The following C8orf34 variants were observed in gnomAD, a reference collection of about 807,000 sequenced individuals.
C8orf34 encodes uncharacterized protein C8orf34.
In C8orf34, 65 loss-of-function variants were observed where a neutral mutation model predicts 68.3. That is an observed-to-expected ratio of 0.95 (90% CI 0.78 to 1.17). The LOEUF is 1.17. C8orf34 is among the 50% of genes most tolerant of loss of function. The pLI is 0.00. For synonymous variants in C8orf34, 244 were observed against 241.2 expected (o/e 1.01, Z -0.11); for missense variants, 664 against 655.4 (o/e 1.01, Z -0.14).
chr8:68,359,179 G>T (rs1461024064), intron 1 of C8orf34, among the ~76,000 whole-genome samples: 1 of 152,220 alleles, frequency 6.6e-6, no homozygotes, highest in East Asian at 1.9e-4. Flanking sequence ...GCTGTGTAAA[G>T]TATGCAAAAA....
chr8:68,638,271 C>T (rs1818904827), intron 7 of C8orf34, among the ~76,000 whole-genome samples: 1 of 151,346 alleles, frequency 6.6e-6, no homozygotes, highest in African/African-American at 2.4e-5. Context: ...TCTGGTGCCA[C>T]CAAAAATGCC....
chr8:68,433,292 C>G (rs976473940), intron 1 of C8orf34, among the ~76,000 whole-genome samples: 2 of 152,098 alleles, frequency 1.3e-5, no homozygotes, highest in Non-Finnish European at 2.9e-5. Flanking sequence ...CATTCTACAG[C>G]TGATAACATG....
At chr8:68,469,758 A>G (rs1812299798) in intron 4 of C8orf34, among the ~76,000 whole-genome samples, 2 of 151,970 alleles carry the variant, frequency 1.3e-5, no homozygotes, top group African/African-American at 4.8e-5. Flanking sequence ...AACACTAGCA[A>G]ATTCTAGTGG....
chr8:68,671,244 G>T (rs1216480884), intron 8 of C8orf34, among the ~76,000 whole-genome samples: 1 of 151,998 alleles, frequency 6.6e-6, no homozygotes, highest in African/African-American at 2.4e-5. Flanking sequence ...ATTAATAATT[G>T]CTTTACAAAA....
intron 9 of C8orf34, 114 bp from the exon 10 acceptor site, chr8:68,721,247 A>G: frequency 3.0e-6 from 2 of 670,922 alleles, no homozygotes; most frequent in South Asian, 2.0e-5. Context: ...AAACACTATG[A>G]TTTTTTCAAC....
chr8:68,492,835 A>T (rs1259954142), intron 5 of C8orf34, among the ~76,000 whole-genome samples: 2 of 151,798 alleles, frequency 1.3e-5, no homozygotes, highest in Non-Finnish European at 2.9e-5. Context: ...CAAATGACAG[A>T]GTTTTTGTTC....
At chr8:68,354,383 C>T (rs1384558559) in intron 1 of C8orf34, among the ~76,000 whole-genome samples, 2 of 151,892 alleles carry the variant, frequency 1.3e-5, no homozygotes, top group Admixed American at 1.3e-4. Flanking sequence ...ATTCTGTTGC[C>T]CAGACCGGGG....
At position 68,446,350 on chromosome 8, in the gene C8orf34, A is replaced by C; in HGVS notation, c.497A>C (p.Asp166Ala). The C allele has an allele frequency of 3.1e-6, 5 of 1,601,210 alleles. No individual in the cohort carries two copies. Among genetic ancestry groups the C allele is most frequent in the Non-Finnish European group, 4.2e-6 (5 of 1,176,702 alleles). The change falls in exon 3 of 14, where the codon GAT (aspartate) becomes GCT (alanine). Residue 166 changes from aspartate (D) to alanine (A), a missense_variant. By Grantham distance (126) the Asp-to-Ala change is moderately radical. Transcript: ENST00000518698. ...ACAGAATCCAAAGGAACAAGAAGGG[A>C]TTTCAGAAGCTATGATAAACCTTGG... ...EKSESKGTRR[D>A]FRSYDKPWQL...
At chr8:68,352,429 G>C (rs1377339713) in intron 1 of C8orf34, among the ~76,000 whole-genome samples, 1 of 144,260 alleles carries the variant, frequency 6.9e-6, no homozygotes, top group Non-Finnish European at 1.5e-5. Context: ...TTTCTTTTTA[G>C]AAAATGTAGA....
chr8:68,696,404 C>T (rs985802887), intron 8 of C8orf34, among the ~76,000 whole-genome samples: 2 of 149,196 alleles, frequency 1.3e-5, no homozygotes, highest in Non-Finnish European at 3.0e-5. Context: ...TTTATATATA[C>T]ATAGTCCCTA....
At chr8:68,499,414 A>C (rs1813670380) in intron 5 of C8orf34, among the ~76,000 whole-genome samples, 1 of 152,178 alleles carries the variant, frequency 6.6e-6, no homozygotes, top group Admixed American at 6.5e-5. Flanking sequence ...AAAAATAAAT[A>C]ATAATGGAAA....
chr8:68,656,551 A>G (rs1467404601), intron 8 of C8orf34, among the ~76,000 whole-genome samples: 2 of 152,104 alleles, frequency 1.3e-5, no homozygotes, highest in African/African-American at 4.8e-5. Flanking sequence ...ATAATCTTCA[A>G]TTTTCTAGTT....
intron 1 of C8orf34, among the ~76,000 whole-genome samples, chr8:68,367,914 A>G (rs1807370069): frequency 5.1e-5 from 1 of 19,590 alleles, no homozygotes; most frequent in African/African-American, 5.8e-4. Flanking sequence ...AAAGAAAAGA[A>G]AAAAAAAAAA....
Position 68,634,059 on chromosome 8 carries a change from T to C in C8orf34, c.1106-6317T>C, listed in dbSNP as rs1015871643. Among the ~76,000 whole-genome samples, 9 of 152,294 alleles carry C rather than the reference T, an allele frequency of 5.9e-5. No individual in the cohort carries two copies. In the East Asian group the frequency reaches 1.5e-3, roughly 26 times the overall value. On this transcript the variant is annotated intron_variant, in intron 7 of 13. Transcript: ENST00000518698. Reference sequence around the variant, plus strand: ...CAAAAAACAGAGGCAATCACTTATATACTGAATCAGACAAAGAATGGTAAA... The same window carrying C: ...CAAAAAACAGAGGCAATCACTTATACACTGAATCAGACAAAGAATGGTAAA...
At chr8:68,582,862 A>C (rs1817106347) in intron 7 of C8orf34, among the ~76,000 whole-genome samples, 1 of 152,124 alleles carries the variant, frequency 6.6e-6, no homozygotes, top group Non-Finnish European at 1.5e-5. Flanking sequence ...TAAAACAAGG[A>C]AAGGCTGTGA....
At chr8:68,587,747 C>T (rs1383510868) in intron 7 of C8orf34, among the ~76,000 whole-genome samples, 1 of 152,064 alleles carries the variant, frequency 6.6e-6, no homozygotes, top group African/African-American at 2.4e-5. Flanking sequence ...TCAACTGCTG[C>T]TTGTGTGACA....
At chr8:68,575,876 T>G (rs1586396640) in intron 7 of C8orf34, among the ~76,000 whole-genome samples, 1 of 151,948 alleles carries the variant, frequency 6.6e-6, no homozygotes, top group African/African-American at 2.4e-5. Flanking sequence ...CTTTGATTGA[T>G]TTCCTAATTT....
intron 10 of C8orf34, among the ~76,000 whole-genome samples, chr8:68,759,165 T>C (rs1387403615): frequency 6.6e-6 from 1 of 152,158 alleles, no homozygotes; most frequent in East Asian, 1.9e-4. Flanking sequence ...TGCACATGTA[T>C]ATCCAAGTCA....
chr8:68,735,206 G>A (rs1414389618), intron 10 of C8orf34, among the ~76,000 whole-genome samples: 6 of 152,152 alleles, frequency 3.9e-5, no homozygotes, highest in Non-Finnish European at 2.9e-5. Context: ...AGTTTCTGGA[G>A]GCCAGGGAGT....
Sources: gnomAD v4.1 joint callset for allele counts (sites outside exome capture counted in the v4.1 genomes callset) on GRCh38, gnomAD v4.1.1 for gene constraint, MANE v1.5 for transcripts, NCBI Gene and HGNC (gene_info 2026-07-23, HGNC 2026-07-21) for gene names.